Variants in GRIN2D observed in about 807,000 individuals in gnomAD.
The protein encoded by GRIN2D is glutamate receptor ionotropic, NMDA 2D.
A neutral mutation model predicts 103.2 loss-of-function variants in GRIN2D; 37 were observed. That is an observed-to-expected ratio of 0.36 (90% CI 0.28 to 0.47). The LOEUF is 0.47. Ranked by LOEUF, GRIN2D falls within the 20% of genes least tolerant of loss-of-function variation. The pLI is 1.00. For synonymous variants in GRIN2D, 845 were observed against 885.6 expected (o/e 0.95, Z 0.81); for missense variants, 1,557 against 1,910.6 (o/e 0.81, Z 3.45).
intron 8 of GRIN2D, among the ~76,000 whole-genome samples, chr19:48,416,450 T>A (rs1970950256): frequency 6.6e-6 from 1 of 152,186 alleles, no homozygotes; most frequent in Non-Finnish European, 1.5e-5. Context: ...TTCATAAGGT[T>A]GAATTATTTT....
chr19:48,413,965 T>A, intron 4 of GRIN2D, 26 bp from the exon 5 acceptor site: 1 of 1,314,284 alleles, frequency 7.6e-7, no homozygotes, highest in South Asian at 1.2e-5. Flanking sequence ...GGCCCCAGCA[T>A]GTCCCCTTTC....
intron 4 of GRIN2D, among the ~76,000 whole-genome samples, chr19:48,412,475 A>AAGAG (rs1555892669): frequency 7.1e-6 from 1 of 140,768 alleles, no homozygotes; most frequent in East Asian, 2.1e-4. Context: ...GAAAGAAAGA[A>AAGAG]AGAAAGAGAG....
intron 11 of GRIN2D, among the ~76,000 whole-genome samples, chr19:48,426,512 C>T (rs1971089703): frequency 6.6e-6 from 1 of 152,008 alleles, no homozygotes; most frequent in South Asian, 2.1e-4. Flanking sequence ...AGGCATAAGC[C>T]ATCATGCCTA....
At chr19:48,431,276 T>C (rs1308912968) in intron 11 of GRIN2D, among the ~76,000 whole-genome samples, 1 of 152,242 alleles carries the variant, frequency 6.6e-6, no homozygotes, top group South Asian at 2.1e-4. Context: ...TGGGTTTTGC[T>C]TCCTTGTTCT....
intron 11 of GRIN2D, among the ~76,000 whole-genome samples, chr19:48,427,965 C>T (rs10419023): frequency 0.12 from 18,848 of 151,678 alleles, 2,041 homozygotes; most frequent in African/African-American, 0.3. Context: ...TCCAGGCCTG[C>T]CTCTCCTTGG....
At chr19:48,425,772 T>C (rs1277040952) in intron 11 of GRIN2D, among the ~76,000 whole-genome samples, 1 of 152,154 alleles carries the variant, frequency 6.6e-6, no homozygotes, top group African/African-American at 2.4e-5. Context: ...TTTTTATAGA[T>C]ATTTTTCATC....
chr19:48,400,232 T>C (rs746286367), intron 3 of GRIN2D, among the ~76,000 whole-genome samples: 1 of 149,914 alleles, frequency 6.7e-6, no homozygotes, highest in Non-Finnish European at 1.5e-5. Context: ...ATGGGTCAGC[T>C]AGGAGGTGGG....
intron 3 of GRIN2D, among the ~76,000 whole-genome samples, chr19:48,402,918 G>T (rs185938971): frequency 6.6e-6 from 1 of 151,772 alleles, no homozygotes; most frequent in Non-Finnish European, 1.5e-5. Context: ...GAGGATAGGG[G>T]CCAGGCATGG....
intron 11 of GRIN2D, among the ~76,000 whole-genome samples, chr19:48,434,140 C>T (rs963903363): frequency 4.0e-5 from 6 of 151,558 alleles, no homozygotes; most frequent in South Asian, 4.2e-4. Flanking sequence ...TTAGTAGAGA[C>T]GGGGTTTCAC....
At chr19:48,409,714 G>A (rs1970832620) in intron 4 of GRIN2D, among the ~76,000 whole-genome samples, 2 of 152,310 alleles carry the variant, frequency 1.3e-5, no homozygotes, top group Non-Finnish European at 2.9e-5. Context: ...AGTAGCGGAT[G>A]GAGAGGGTTG....
intron 4 of GRIN2D, among the ~76,000 whole-genome samples, chr19:48,408,258 C>G (rs376872872): frequency 6.7e-6 from 1 of 149,000 alleles, no homozygotes; most frequent in Non-Finnish European, 1.5e-5. Flanking sequence ...GGCATGAACC[C>G]GGGAGGCGGA....
Position 48,394,179 on chromosome 19 carries a change from C to CTCTGTGTGTGTGTG in GRIN2D, c.-306+325_-306+338dup, listed in dbSNP as rs1345915076. Among the ~76,000 whole-genome samples the CTCTGTGTGTGTGTG allele has an allele frequency of 1.3e-5, 2 of 151,892 alleles. No individual in the cohort carries two copies. The highest frequency in any genetic ancestry group is 1.3e-4 in the Admixed American group (2 of 15,284). ...AGCCTGGCCCCCATTAGACCCCCCA[C>CTCTGTGTGTGTGTG]TCTGTGTGTGTGTGTCTGTGTGTGT... is the stretch of plus-strand genomic sequence containing the variant. On this transcript the variant is annotated intron_variant, in intron 1 of 13. Transcript: ENST00000263269. This position sits in a 1 kb window ranked among gnomAD's most constrained non-coding sequence, Gnocchi z 5.1.
chr19:48,398,576 T>C lies in GRIN2D; in HGVS notation c.184T>C (p.Tyr62His). Residue 62 changes from tyrosine (Y) to histidine (H), a missense_variant, in exon 3 of 14, where the codon TAC becomes CAC. This residue lies in a region of GRIN2D where 490 missense variants were observed against 601.1 expected (regional missense o/e 0.82). Transcript: ENST00000263269. ...NVALVFSGPAYAAEAARLGPA... is the reference protein window; with the variant it reads ...NVALVFSGPAHAAEAARLGPA... Reference sequence around the variant, plus strand: ...GGCGCTCGTGTTCTCGGGGCCCGCGTACGCGGCCGAGGCGGCACGCCTGGG... The same window carrying C: ...GGCGCTCGTGTTCTCGGGGCCCGCGCACGCGGCCGAGGCGGCACGCCTGGG... The C allele has an allele frequency of 8.4e-7, 1 of 1,189,182 alleles. No homozygotes were observed. Among genetic ancestry groups the C allele is most frequent in the Non-Finnish European group, 1.0e-6 (1 of 961,456 alleles). 73.7% of individuals were successfully genotyped at this position (1,189,182 alleles called of 1,614,324 possible).
At chr19:48,395,280 C>G (rs1352841052) in intron 2 of GRIN2D, among the ~76,000 whole-genome samples, 1 of 151,286 alleles carries the variant, frequency 6.6e-6, no homozygotes, top group East Asian at 1.9e-4. Context: ...CTGCATCAGT[C>G]CCCCCATCGC....
rs550015822 is a variant in GRIN2D at position 48,404,507 on chromosome 19, C to CA, written c.466-220dup. Among the ~76,000 whole-genome samples, 113 of 152,034 alleles carry CA rather than the reference C, an allele frequency of 7.4e-4. 2 individuals are homozygous for CA. The South Asian group carries it at 0.018, about 25-fold the overall frequency. ...GATTCTGTCTCAAAAAAACAAAAAACAAAAAAACAAAACAAAAAACTAAGG... is the reference window on the plus strand; with the variant it reads ...GATTCTGTCTCAAAAAAACAAAAAACAAAAAAAACAAAACAAAAAACTAAGG... On this transcript the variant is annotated intron_variant, in intron 3 of 13. Transcript: ENST00000263269.
At position 48,426,224 on chromosome 19, in the gene GRIN2D, C is replaced by CTTTCTTTTTTTTTTTTTTTTTT. The variant is rs1555893889; in HGVS notation, c.2252+4282_2252+4283insCTTTTTTTTTTTTTTTTTTTTT. ...TTTCTTTTTCTTTCTTTCTTTCTTT[C>CTTTCTTTTTTTTTTTTTTTTTT]TTTTTTTTTTTTTTTTTCTGAAACA... On this transcript the variant is annotated intron_variant, in intron 11 of 13. Coordinates refer to ENST00000263269, the MANE Select transcript of GRIN2D (RefSeq NM_000836.4). Among the ~76,000 whole-genome samples, 36 of 120,084 alleles carry CTTTCTTTTTTTTTTTTTTTTTT rather than the reference C, an allele frequency of 3.0e-4. 1 individual carries two copies. The highest frequency in any genetic ancestry group is 1.2e-3 in the African/African-American group (34 of 27,932). 78.8% of individuals were successfully genotyped at this position (120,084 alleles called of 152,430 possible). A position where few individuals can be genotyped will look rare whatever the true frequency, so the allele number is the denominator to read the frequency against.
intron 11 of GRIN2D, among the ~76,000 whole-genome samples, chr19:48,423,361 G>C (rs10409537): frequency 0.016 from 2,391 of 152,266 alleles, 59 homozygotes; most frequent in African/African-American, 0.054. Context: ...ACGCTAAGCG[G>C]TGAACAAATA....
At chr19:48,440,361 G>C (rs1971277033) in intron 11 of GRIN2D, among the ~76,000 whole-genome samples, 1 of 151,998 alleles carries the variant, frequency 6.6e-6, no homozygotes, top group African/African-American at 2.4e-5. Flanking sequence ...GGGTGGCCAA[G>C]GCGGGAAGAT....
chr19:48,402,120 G>GAAAGAA (rs1351964557), intron 3 of GRIN2D, among the ~76,000 whole-genome samples: 1 of 32,082 alleles, frequency 3.1e-5, no homozygotes, highest in Non-Finnish European at 6.6e-5. Flanking sequence ...GAGAAGGAAA[G>GAAAGAA]AAAGAAAGAA....
Sources: gnomAD v4.1 joint callset for allele counts (sites outside exome capture counted in the v4.1 genomes callset) on GRCh38, gnomAD v4.1.1 for gene constraint, gnomAD v4.1.1 regional missense constraint, Gnocchi (gnomAD v3.1) non-coding constraint, MANE v1.5 for transcripts, NCBI Gene and HGNC (gene_info 2026-07-23, HGNC 2026-07-21) for gene names.